Variants in TUBE1 observed in about 807,000 individuals in gnomAD.
TUBE1 encodes tubulin epsilon chain.
TUBE1 carries 34 observed loss-of-function variants against 53.5 expected under a neutral mutation model. The observed-to-expected ratio is 0.64, with a 90% CI of 0.48 to 0.85. The LOEUF is 0.85. Among genes scored for constraint, TUBE1 ranks in the 40% least tolerant of loss-of-function variants. The probability of loss-of-function intolerance (pLI) is 0.00; values close to 1 mark genes in which losing one functional copy is unlikely to be tolerated. For missense variants in TUBE1, 532 were observed against 570.5 expected (o/e 0.93, Z 0.69); for synonymous variants, 177 against 198.4 (o/e 0.89, Z 0.91).
rs1777106785 is a variant in TUBE1, at chr6:112,083,716, T to C, written c.210+473A>G. On this transcript the variant is annotated intron_variant, in intron 4 of 11. Transcript: ENST00000368662. The stretch of plus-strand genomic sequence containing the variant: ...GTTACAGACAATCACAGAAATATTG[T>C]TGGAATGATTAAGACTGTAAATAAG... 2.0e-5 allele frequency among the ~76,000 whole-genome samples: 3 copies of C among 152,334 alleles called. No individual in the cohort carries two copies. The South Asian group carries it at 6.2e-4, about 32-fold the overall frequency.
intron 6 of TUBE1, chr6:112,077,611 C>T (rs587629531): frequency 6.6e-6 from 1 of 151,934 alleles, no homozygotes; most frequent in Non-Finnish European, 1.5e-5. Context: ...TTAAAAAAAA[C>T]TTTAAACACC....
At chr6:112,072,928 C>A (rs376693173) in intron 9 of TUBE1, 30 bp from the exon 10 acceptor site, 7 of 1,606,830 alleles carry the variant, frequency 4.4e-6, no homozygotes, top group South Asian at 1.1e-5. Context: ...ATTGTTTATA[C>A]AAAATATTAC....
chr6:112,084,464 G>A (rs1421321596), intron 3 of TUBE1, among the ~76,000 whole-genome samples: 4 of 152,324 alleles, frequency 2.6e-5, no homozygotes, highest in Middle Eastern at 3.4e-3. Flanking sequence ...GTTAGGGCTG[G>A]CCATGTAATC....
At position 112,087,399 on chromosome 6, in the gene TUBE1, G is replaced by A. The variant is rs1364724533; in HGVS notation, c.25+11C>T. Reference sequence around the variant, plus strand: ...CGGCGACCAGGTCTCTACCCGCCCGGCGTAGCTTACCCTGTACGACCACCG... The same window carrying A: ...CGGCGACCAGGTCTCTACCCGCCCGACGTAGCTTACCCTGTACGACCACCG... On this transcript the variant is annotated intron_variant, in intron 1 of 11. Transcript: ENST00000368662. 1.3e-6 allele frequency: 2 copies of A among 1,551,372 alleles called. No individual in the cohort carries two copies. The highest frequency in any genetic ancestry group is 1.4e-5 in the African/African-American group (1 of 73,012).
At chr6:112,082,178 A>C (rs148274879) in intron 4 of TUBE1, among the ~76,000 whole-genome samples, 16 of 152,296 alleles carry the variant, frequency 1.1e-4, no homozygotes, top group African/African-American at 3.4e-4. Context: ...AAAGACTATA[A>C]AACTATGTTT....
chr6:112,075,024 T>C (rs1776934613), intron 8 of TUBE1, 174 bp from the exon 9 acceptor site: 1 of 330,524 alleles, frequency 3.0e-6, no homozygotes, highest in Non-Finnish European at 5.5e-6. Context: ...CAATCATGTA[T>C]AAAATAAAAT....
intron 6 of TUBE1, among the ~76,000 whole-genome samples, chr6:112,078,999 G>A (rs1029975111): frequency 1.9e-4 from 29 of 151,992 alleles, no homozygotes; most frequent in Non-Finnish European, 3.4e-4. Flanking sequence ...GTTACATTCT[G>A]TTTCTATTTT....
At chr6:112,084,346 A>G in intron 3 of TUBE1, 100 bp from the exon 4 acceptor site, 2 of 939,820 alleles carry the variant, frequency 2.1e-6, no homozygotes, top group South Asian at 2.8e-5. Flanking sequence ...AAGACTGCTT[A>G]TAGGCCAGGT....
At chr6:112,071,876 C>T in intron 11 of TUBE1, 26 bp downstream of exon 11, 1 of 1,560,142 alleles carries the variant, frequency 6.4e-7, no homozygotes, top group Non-Finnish European at 8.6e-7. Context: ...TAAACACATA[C>T]AGTTACAAAG....
rs1777035349 is a variant in TUBE1, at chr6:112,079,570, T to C, written c.448+63A>G. 2 of 1,565,028 alleles carry C rather than the reference T, an allele frequency of 1.3e-6. 1 individual carries two copies. The highest frequency in any genetic ancestry group is 2.3e-5 in the South Asian group (2 of 85,732). On this transcript the variant is annotated intron_variant, in intron 6 of 11. Transcript: ENST00000368662. ...ACAGGTCTAAAAACAAGACTTACGT[T>C]TGCAAAATGAATTCCCACTTATCCT...
At position 112,079,756 on chromosome 6, in the gene TUBE1, T is replaced by C; in HGVS notation, c.327-2A>G. The C allele has an allele frequency of 1.3e-6, 2 of 1,596,260 alleles. No individual in the cohort carries two copies. Among genetic ancestry groups the C allele is most frequent in the Non-Finnish European group, 1.7e-6 (2 of 1,174,464 alleles). On this transcript the variant is annotated splice_acceptor_variant, in intron 5 of 11. Transcript: ENST00000368662. LOFTEE classifies it high-confidence loss of function. ...CCGAAAACTTTGTGACCCACGGCCC[T>C]GAAAATTAGAATATGGATTTTAAAA...
At position 112,072,046 on chromosome 6, in the gene TUBE1, C is replaced by A; in HGVS notation, c.1125G>T (p.Trp375Cys). 1 of 1,598,704 alleles carries A rather than the reference C, an allele frequency of 6.3e-7. No homozygotes were observed. Among genetic ancestry groups the A allele is most frequent in the South Asian group, 1.1e-5 (1 of 88,080 alleles). ...RLKPSLQFVS[W>C]NQEGWKTSLC... ...GGCTGGTCTTCCAGCCTTCTTGATT[C>A]CAGGAGACAAATTGTAGAGATGGTT... The change falls in exon 11 of 12, where the codon TGG becomes TGT. Residue 375 changes from tryptophan to cysteine, a missense_variant. Trp to Cys is a radical substitution (Grantham distance 215). Coordinates refer to ENST00000368662, the MANE Select transcript of TUBE1 (RefSeq NM_016262.5).
rs950952898 is a variant in TUBE1, at chr6:112,074,619, A to G, written c.953+91T>C. The G allele has an allele frequency of 3.2e-6, 3 of 949,172 alleles. No individual in the cohort carries two copies. In the African/African-American group the frequency reaches 5.2e-5, roughly 16 times the overall value. The allele number at this position is 949,172 out of a possible 1,614,324, so 58.8% of individuals were successfully genotyped here. ...CTCACAGATAAGATGATACAATTAA[A>G]TAACTAGAGTTATTGCAAACTTTTT... On this transcript the variant is annotated intron_variant, in intron 9 of 11. Coordinates refer to ENST00000368662, the MANE Select transcript of TUBE1 (RefSeq NM_016262.5).
At chr6:112,084,006 A>G in intron 4 of TUBE1, 183 bp downstream of exon 4, 1 of 589,658 alleles carries the variant, frequency 1.7e-6, no homozygotes, top group Non-Finnish European at 3.1e-6. Context: ...GTTTTAAAGT[A>G]TGGGCTTTTC....
Position 112,081,225 on chromosome 6 carries a change from A to G in TUBE1, c.211-18T>C, listed in dbSNP as rs1554316733. Reference sequence around the variant, plus strand: ...AAGACTGCCTGAGAAAGAAAAATAAAATATAATTAATGTATTTTCTTTTAG... The same window carrying G: ...AAGACTGCCTGAGAAAGAAAAATAAGATATAATTAATGTATTTTCTTTTAG... On this transcript the variant is annotated intron_variant, in intron 4 of 11. Transcript: ENST00000368662. 1 of 1,353,782 alleles carries G rather than the reference A, an allele frequency of 7.4e-7. No individual in the cohort carries two copies. Among genetic ancestry groups the G allele is most frequent in the Non-Finnish European group, 1.0e-6 (1 of 962,978 alleles). The allele number at this position is 1,353,782 out of a possible 1,614,324, so 83.9% of individuals were successfully genotyped here.
chr6:112,078,099 T>C (rs1427964222), intron 6 of TUBE1: 1 of 152,120 alleles, frequency 6.6e-6, no homozygotes, highest in Non-Finnish European at 1.5e-5. Flanking sequence ...TACTCAGTAT[T>C]GGTGCTAGTG....
intron 8 of TUBE1, 148 bp from the exon 9 acceptor site, chr6:112,074,998 A>C (rs1276008467): frequency 2.4e-6 from 1 of 418,076 alleles, no homozygotes; most frequent in Non-Finnish European, 4.2e-6. Flanking sequence ...CATATTAGTG[A>C]AAGTTAGTAT....
intron 4 of TUBE1, among the ~76,000 whole-genome samples, chr6:112,082,020 C>T (rs992626921): frequency 1.2e-4 from 19 of 152,166 alleles, no homozygotes; most frequent in Non-Finnish European, 2.1e-4. Flanking sequence ...GATTTGTTAA[C>T]TGTTTGATTC....
chr6:112,071,844 A>T, intron 11 of TUBE1, 58 bp downstream of exon 11: 1 of 1,480,920 alleles, frequency 6.8e-7, no homozygotes, highest in Non-Finnish European at 9.1e-7. Flanking sequence ...AATTTTTAAG[A>T]ATACATCTTA....
Sources: allele counts gnomAD v4.1 joint callset (sites outside exome capture counted in the v4.1 genomes callset), GRCh38; gene constraint gnomAD v4.1.1; transcripts MANE v1.5; gene names NCBI Gene and HGNC (gene_info 2026-07-23, HGNC 2026-07-21).